The following KIAA0825 variants were observed in gnomAD, a reference collection of about 807,000 sequenced individuals.
The protein encoded by KIAA0825 is uncharacterized protein KIAA0825.
In KIAA0825, 119 loss-of-function variants were observed where a neutral mutation model predicts 147.6. The ratio of observed to expected loss-of-function variants is 0.81; its 90% CI spans 0.69 to 0.94. The LOEUF (loss-of-function observed/expected upper bound fraction) is 0.94, where lower values mean the gene tolerates loss of function less well. Among genes scored for constraint, KIAA0825 ranks in the 40% least tolerant of loss-of-function variants. The pLI is 0.00. For synonymous variants in KIAA0825, 470 were observed against 518.1 expected (o/e 0.91, Z 1.26); for missense variants, 1,381 against 1,472.7 (o/e 0.94, Z 1.02).
chr5:94,362,293 C>T (rs938722023), intron 20 of KIAA0825, among the ~76,000 whole-genome samples: 1 of 152,188 alleles, frequency 6.6e-6, no homozygotes, highest in African/African-American at 2.4e-5. Context: ...ACAGGTGCCC[C>T]TTCTACTCCT....
chr5:94,268,575 T>A (rs200432079), intron 20 of KIAA0825, among the ~76,000 whole-genome samples: 1 of 152,024 alleles, frequency 6.6e-6, no homozygotes. Flanking sequence ...GTGGGCCAAA[T>A]GAGATGAAGA....
intron 1 of KIAA0825, among the ~76,000 whole-genome samples, chr5:94,587,410 G>A (rs2152381570): frequency 6.6e-6 from 1 of 152,184 alleles, no homozygotes. Context: ...CAGACAAACA[G>A]AGAGCCAAAT....
chr5:94,217,304 G>A (rs1455465494), intron 20 of KIAA0825, among the ~76,000 whole-genome samples: 1 of 152,080 alleles, frequency 6.6e-6, no homozygotes, highest in African/African-American at 2.4e-5. Flanking sequence ...AAAAAACTTA[G>A]CAAGAGAGTA....
chr5:94,525,008 C>T (rs1768997906), intron 3 of KIAA0825, among the ~76,000 whole-genome samples: 1 of 151,692 alleles, frequency 6.6e-6, no homozygotes, highest in Admixed American at 6.6e-5. Flanking sequence ...AGCAGAGTGC[C>T]ATCTGCAGAG....
intron 1 of KIAA0825, among the ~76,000 whole-genome samples, chr5:94,590,594 A>G (rs1353670122): frequency 6.6e-6 from 1 of 152,252 alleles, no homozygotes; most frequent in African/African-American, 2.4e-5. Context: ...TATACCCCAT[A>G]GCTGAAATCA....
intron 14 of KIAA0825, among the ~76,000 whole-genome samples, chr5:94,426,879 A>T (rs1465693225): frequency 6.6e-6 from 1 of 152,166 alleles, no homozygotes; most frequent in African/African-American, 2.4e-5. Flanking sequence ...GTAAAAAGAA[A>T]TCTTAAATAC....
rs368450240 is a variant in KIAA0825, at chr5:94,515,490, T to A, written c.970+4758A>T. ...CATAAACCTTTACGAAATAATAATTTTCCTAATATTAGAGAAACTAGCCAG... is the reference window on the plus strand; with the variant it reads ...CATAAACCTTTACGAAATAATAATTATCCTAATATTAGAGAAACTAGCCAG... On this transcript the variant is annotated intron_variant, in intron 5 of 20. Coordinates refer to ENST00000682413, the MANE Select transcript of KIAA0825 (RefSeq NM_001145678.3). 2.6e-4 allele frequency among the ~76,000 whole-genome samples: 39 copies of A among 152,272 alleles called. 1 individual carries two copies. In the South Asian group the frequency reaches 7.9e-3, roughly 31 times the overall value.
At chr5:94,290,457 C>A (rs1381678533) in intron 20 of KIAA0825, among the ~76,000 whole-genome samples, 1 of 152,166 alleles carries the variant, frequency 6.6e-6, no homozygotes, top group African/African-American at 2.4e-5. Context: ...CTGCAAAGGA[C>A]ACAAACTCAT....
At chr5:94,417,034 A>G (rs563098011) in intron 15 of KIAA0825, 167 bp downstream of exon 15, 9 of 543,682 alleles carry the variant, frequency 1.7e-5, no homozygotes, top group Admixed American at 1.6e-4. Context: ...ACAGGAACCA[A>G]TAATTAATGA....
At chr5:94,393,572 T>A (rs1300598638) in intron 17 of KIAA0825, among the ~76,000 whole-genome samples, 1 of 152,176 alleles carries the variant, frequency 6.6e-6, no homozygotes, top group African/African-American at 2.4e-5. Flanking sequence ...AATGGTATCA[T>A]GTAGTTTCAG....
intron 5 of KIAA0825, among the ~76,000 whole-genome samples, chr5:94,496,265 T>C (rs1406423644): frequency 1.3e-5 from 2 of 152,180 alleles, no homozygotes; most frequent in African/African-American, 2.4e-5. Context: ...TTACATAAAA[T>C]TCAAGTTACA....
intron 20 of KIAA0825, among the ~76,000 whole-genome samples, chr5:94,160,251 C>T (rs1298003874): frequency 6.6e-6 from 1 of 152,054 alleles, no homozygotes; most frequent in Non-Finnish European, 1.5e-5. Context: ...AGCTCTGTCC[C>T]AAGCTGTATG....
chr5:94,220,271 A>T (rs1210676959), intron 20 of KIAA0825, among the ~76,000 whole-genome samples: 1 of 152,172 alleles, frequency 6.6e-6, no homozygotes. Context: ...CTTCTGGGGC[A>T]ATAACACACA....
intron 5 of KIAA0825, among the ~76,000 whole-genome samples, chr5:94,505,619 A>G (rs904769286): frequency 2.6e-5 from 4 of 152,318 alleles, no homozygotes; most frequent in Non-Finnish European, 4.4e-5. Flanking sequence ...CAATTTGTAT[A>G]AAGATGTCTG....
chr5:94,228,958 G>A (rs1231005074), intron 20 of KIAA0825, among the ~76,000 whole-genome samples: 1 of 152,170 alleles, frequency 6.6e-6, no homozygotes, highest in African/African-American at 2.4e-5. Flanking sequence ...GCCCCACCCA[G>A]CCACTCCAAG....
intron 6 of KIAA0825, among the ~76,000 whole-genome samples, chr5:94,478,567 G>C (rs1762157132): frequency 6.6e-6 from 1 of 151,672 alleles, no homozygotes; most frequent in African/African-American, 2.4e-5. Flanking sequence ...CATTTCTCAA[G>C]ACACATCACA....
intron 5 of KIAA0825, among the ~76,000 whole-genome samples, chr5:94,498,033 C>T (rs1764588305): frequency 1.3e-5 from 2 of 152,138 alleles, no homozygotes. Context: ...TAGGTGGTTT[C>T]TTTATATCCT....
chr5:94,228,866 A>G (rs932219488), intron 20 of KIAA0825, among the ~76,000 whole-genome samples: 3 of 152,204 alleles, frequency 2.0e-5, no homozygotes, highest in Non-Finnish European at 4.4e-5. Flanking sequence ...ATTGAAAATA[A>G]TATTTTTATG....
At chr5:94,186,360 C>A (rs1354875811) in intron 20 of KIAA0825, among the ~76,000 whole-genome samples, 1 of 152,060 alleles carries the variant, frequency 6.6e-6, no homozygotes, top group Non-Finnish European at 1.5e-5. Flanking sequence ...TATTGGTGTA[C>A]AAATGCCAAT....
Sources: allele counts gnomAD v4.1 joint callset (sites outside exome capture counted in the v4.1 genomes callset), GRCh38; gene constraint gnomAD v4.1.1; transcripts MANE v1.5; gene names NCBI Gene and HGNC (gene_info 2026-07-23, HGNC 2026-07-21).